The following COL25A1 variants were observed in gnomAD, a reference collection of about 807,000 sequenced individuals.
COL25A1 encodes the protein collagen alpha-1(XXV) chain.
A neutral mutation model predicts 128.4 loss-of-function variants in COL25A1; 103 were observed. The ratio of observed to expected loss-of-function variants is 0.80; its 90% confidence interval spans 0.68 to 0.94. The LOEUF (loss-of-function observed/expected upper bound fraction) is 0.94. COL25A1 is among the 40% of genes least tolerant of loss of function. The pLI is 0.00. For missense variants in COL25A1, 745 were observed against 840.0 expected (o/e 0.89, Z 1.40); for synonymous variants, 279 against 277.2 (o/e 1.01, Z -0.06).
At chr4:109,097,873 A>G (rs376903383) in intron 3 of COL25A1, among the ~76,000 whole-genome samples, 27 of 152,060 alleles carry the variant, frequency 1.8e-4, no homozygotes, top group South Asian at 1.0e-3. Flanking sequence ...AATATTGGCC[A>G]GGATGGTCTC....
At chr4:108,985,274 T>G (rs981891157) in intron 6 of COL25A1, among the ~76,000 whole-genome samples, 1 of 152,164 alleles carries the variant, frequency 6.6e-6, no homozygotes, top group Non-Finnish European at 1.5e-5. Context: ...CAGTTACTCT[T>G]TTTCTCACTT....
At chr4:109,138,800 T>A (rs1254362550) in intron 3 of COL25A1, among the ~76,000 whole-genome samples, 2 of 152,050 alleles carry the variant, frequency 1.3e-5, no homozygotes, top group Non-Finnish European at 2.9e-5. Context: ...CTCCACATCC[T>A]GGGTTCACGC....
intron 8 of COL25A1, 29 bp from the exon 9 acceptor site, chr4:108,941,466 A>C (rs1264431304): frequency 6.5e-7 from 1 of 1,547,250 alleles, no homozygotes; most frequent in Non-Finnish European, 8.9e-7. Context: ...TCAAAGGTTG[A>C]AGTTCAGAGA....
At chr4:108,862,473 A>T (rs762148955) in intron 22 of COL25A1, 28 bp downstream of exon 22, 11 of 1,573,240 alleles carry the variant, frequency 7.0e-6, no homozygotes, top group Non-Finnish European at 8.7e-6. Flanking sequence ...GCCTCATGTT[A>T]TATTTAAATG....
intron 3 of COL25A1, among the ~76,000 whole-genome samples, chr4:109,260,627 C>T (rs1369054492): frequency 6.6e-6 from 1 of 152,128 alleles, no homozygotes; most frequent in East Asian, 1.9e-4. Flanking sequence ...TCCTGCGTAG[C>T]TGGGACTACA....
chr4:108,879,791 A>ATATT (rs1560795620), intron 19 of COL25A1, among the ~76,000 whole-genome samples: 8 of 150,306 alleles, frequency 5.3e-5, no homozygotes, highest in Non-Finnish European at 1.5e-5. Context: ...CTGAAAATCT[A>ATATT]TATTTATTTA....
At chr4:108,947,129 T>A (rs1230357060) in intron 8 of COL25A1, among the ~76,000 whole-genome samples, 1 of 152,032 alleles carries the variant, frequency 6.6e-6, no homozygotes, top group African/African-American at 2.4e-5. Context: ...GGGACAGCAG[T>A]TGGACACGCA....
chr4:109,218,357 G>GTTTTTTTTTTTTTTGTTTTGT (rs1560887047), intron 3 of COL25A1, among the ~76,000 whole-genome samples: 1 of 73,530 alleles, frequency 1.4e-5, no homozygotes, highest in Non-Finnish European at 2.3e-5. Context: ...GTTTTTTGGG[G>GTTTTTTTTTTTTTTGTTTTGT]TTTTTTTTTT....
Position 109,301,952 on chromosome 4 carries a change from G to T in COL25A1, c.68C>A (p.Ala23Asp), listed in dbSNP as rs534388845. Residue 23 changes from alanine (A) to aspartate (D), a missense_variant, in exon 2 of 38, where the codon GCC becomes GAC. By Grantham distance (126) the Ala-to-Asp change is moderately radical (BLOSUM62 -2). Transcript: ENST00000399132. The part of the protein sequence containing the change: ...REPRSEDPTP[A>D]EQHCARTMPP... The stretch of plus-strand genomic sequence containing the variant: ...CATGGTCCGGGCACAATGCTGTTCG[G>T]CAGGGGTCGGGTCCTCGGATCTGGG... 28 of 1,612,656 alleles carry T rather than the reference G, an allele frequency of 1.7e-5. No individual in the cohort carries two copies. The highest frequency in any genetic ancestry group is 2.1e-5 in the Non-Finnish European group (25 of 1,179,744).
At chr4:109,250,879 C>A (rs888991261) in intron 3 of COL25A1, among the ~76,000 whole-genome samples, 1 of 152,188 alleles carries the variant, frequency 6.6e-6, no homozygotes, top group Non-Finnish European at 1.5e-5. Context: ...TCCTCTTAAA[C>A]CATACTTAAT....
At chr4:109,265,172 T>C (rs887072546) in intron 3 of COL25A1, among the ~76,000 whole-genome samples, 2 of 152,214 alleles carry the variant, frequency 1.3e-5, no homozygotes, top group Admixed American at 1.3e-4. Context: ...AGTATTTAAT[T>C]AGAAAATCCT....
intron 25 of COL25A1, among the ~76,000 whole-genome samples, chr4:108,852,633 C>T (rs945335849): frequency 3.9e-5 from 6 of 152,092 alleles, no homozygotes; most frequent in African/African-American, 7.2e-5. Context: ...ACCCCAAAGG[C>T]GTTGATTTCC....
intron 5 of COL25A1, among the ~76,000 whole-genome samples, chr4:109,015,048 G>C (rs761794542): frequency 6.6e-6 from 1 of 152,240 alleles, no homozygotes; most frequent in Non-Finnish European, 1.5e-5. Flanking sequence ...GCCATGACCA[G>C]AGGAGAGGTT....
chr4:109,277,452 G>T (rs1312948807), intron 3 of COL25A1, among the ~76,000 whole-genome samples: 1 of 152,172 alleles, frequency 6.6e-6, no homozygotes. Flanking sequence ...GAGAGTGGGG[G>T]AGGAAAAATC....
intron 3 of COL25A1, among the ~76,000 whole-genome samples, chr4:109,061,451 A>G (rs1456584269): frequency 6.6e-6 from 1 of 152,218 alleles, no homozygotes; most frequent in Non-Finnish European, 1.5e-5. Flanking sequence ...ACTTCAAACT[A>G]TAGTTTAAGG....
chr4:108,922,677 T>A, intron 11 of COL25A1, among the ~76,000 whole-genome samples: 1 of 152,326 alleles, frequency 6.6e-6, no homozygotes, highest in African/African-American at 2.4e-5. Flanking sequence ...TAAAATTAAA[T>A]AAGTTGTATA....
chr4:109,182,739 C>T (rs2526452), intron 3 of COL25A1, among the ~76,000 whole-genome samples: 1 of 151,822 alleles, frequency 6.6e-6, no homozygotes, highest in Non-Finnish European at 1.5e-5. Context: ...TCACTTTATG[C>T]GTAAGTGACT....
intron 3 of COL25A1, among the ~76,000 whole-genome samples, chr4:109,213,164 T>C (rs1777712490): frequency 6.6e-6 from 1 of 152,188 alleles, no homozygotes; most frequent in East Asian, 1.9e-4. Context: ...ATGGTATCTA[T>C]TGACTTGCTT....
intron 3 of COL25A1, among the ~76,000 whole-genome samples, chr4:109,236,175 G>T (rs1445541032): frequency 6.6e-6 from 1 of 151,390 alleles, no homozygotes; most frequent in Non-Finnish European, 1.5e-5. Context: ...CTTCGGAGAA[G>T]TGATTCACTT....
Sources: gnomAD v4.1 joint callset for allele counts (sites outside exome capture counted in the v4.1 genomes callset) on GRCh38, gnomAD v4.1.1 for gene constraint, MANE v1.5 for transcripts, NCBI Gene and HGNC (gene_info 2026-07-23, HGNC 2026-07-21) for gene names.